Variants in PAGE5 observed in about 807,000 individuals in gnomAD.
The protein encoded by PAGE5 is PAGE family member 5.
Under a neutral mutation model 8.1 loss-of-function variants are expected in PAGE5, and 8 were observed. The ratio of observed to expected loss-of-function variants is 0.98; its 90% CI spans 0.58 to 1.77. PAGE5 has a LOEUF of 1.77. PAGE5 is among the 40% of genes most tolerant of loss of function. The probability of loss-of-function intolerance (pLI) is 0.00; values close to 1 mark genes in which losing one functional copy is unlikely to be tolerated. For synonymous variants in PAGE5, 30 were observed against 27.0 expected, an observed-to-expected ratio of 1.11 and a Z score of -0.35; for missense variants, 64 against 77.6, an observed-to-expected ratio of 0.82 and a Z score of 0.66.
Position 55,220,417 on chromosome X carries a change from C to T in PAGE5, c.-44C>T. ...TTTCCGCCATCTTCGTTCTTTCCAACATCTTCGTTCTTTCTCACTGACCGA... is the reference window on the plus strand; with the variant it reads ...TTTCCGCCATCTTCGTTCTTTCCAATATCTTCGTTCTTTCTCACTGACCGA... On this transcript the variant is annotated 5_prime_UTR_variant, in exon 1 of 5. Transcript: ENST00000374955. 1 of 463,580 alleles carries T rather than the reference C, an allele frequency of 2.2e-6. No individual in the cohort carries two copies. Among genetic ancestry groups the T allele is most frequent in the Non-Finnish European group, 3.9e-6 (1 of 257,765 alleles). 38.2% of individuals were successfully genotyped at this position (463,580 alleles called of 1,213,427 possible).
intron 3 of PAGE5, 81 bp from the exon 4 acceptor site, chrX:55,222,540 A>G (rs1456057791): frequency 2.9e-6 from 3 of 1,039,307 alleles, no homozygotes. Context: ...TTTTTATTTC[A>G]CAATGATGAG....
chrX:55,221,460 G>C lies in PAGE5; in HGVS notation c.78G>C (p.Val26=). The change falls in exon 2 of 5, where the codon GTG becomes GTC. Residue 26 remains valine (V), a synonymous_variant. Coordinates refer to ENST00000374955, the MANE Select transcript of PAGE5 (RefSeq NM_001013435.3). ...AGTCTTCCCAGCCAGTTGGACCTGT[G>C]ATTGTGAGTCCTTTAGCATTTGATG... The part of the protein sequence containing the change: ...DQESSQPVGP[V]IVQQPTEEKR... 8.3e-7 allele frequency: 1 copy of C among 1,201,660 alleles called. No individual in the cohort carries two copies. The highest frequency in any genetic ancestry group is 1.8e-5 in the South Asian group (1 of 55,816).
At chrX:55,220,736 G>C (rs971792884) in intron 1 of PAGE5, 1 of 949,906 alleles carries the variant, frequency 1.1e-6, no homozygotes, top group Non-Finnish European at 1.4e-6. Flanking sequence ...TCCCGAAAAC[G>C]CCTGGAACTC....
chrX:55,220,657 C>T, intron 1 of PAGE5: 3 of 1,197,155 alleles, frequency 2.5e-6, no homozygotes, highest in Non-Finnish European at 3.4e-6. Flanking sequence ...GGAAGGTAGG[C>T]CGTGGAGGGG....
At chrX:55,223,534 A>T (rs1210443864) in intron 4 of PAGE5, among the ~76,000 whole-genome samples, 2 of 112,469 alleles carry the variant, frequency 1.8e-5, no homozygotes, top group Non-Finnish European at 3.8e-5. Flanking sequence ...CACAAGATAC[A>T]CAAAAGTAAT....
intron 2 of PAGE5, 117 bp from the exon 3 acceptor site, chrX:55,221,648 ACT>A (rs1232608244): frequency 6.7e-4 from 514 of 769,985 alleles, no homozygotes; most frequent in Middle Eastern, 1.6e-3. Context: ...TGGATATTTT[ACT>A]CTCTCTCTAT....
intron 3 of PAGE5, among the ~76,000 whole-genome samples, 158 bp downstream of exon 3, chrX:55,222,033 A>T (rs1438781592): frequency 8.9e-6 from 1 of 112,122 alleles, no homozygotes; most frequent in Non-Finnish European, 1.9e-5. Flanking sequence ...AGGACACATA[A>T]AAAGCCACAA....
At chrX:55,221,286 A>T (rs1243153629) in intron 1 of PAGE5, 89 bp from the exon 2 acceptor site, 1 of 863,924 alleles carries the variant, frequency 1.2e-6, no homozygotes, top group African/African-American at 2.1e-5. Flanking sequence ...AAAATTAAAA[A>T]AGTACAAATC....
chrX:55,222,506 C>T (rs1937905554), intron 3 of PAGE5, 115 bp from the exon 4 acceptor site: 6 of 869,529 alleles, frequency 6.9e-6, no homozygotes, highest in Non-Finnish European at 3.3e-6. Flanking sequence ...TGGCAACAGA[C>T]TTCTGAAATA....
chrX:55,221,397 A>G lies in PAGE5; in HGVS notation c.15A>G (p.Val5=), dbSNP rs766485668. 1.7e-6 allele frequency: 2 copies of G among 1,210,948 alleles called. No homozygotes were observed. The highest frequency in any genetic ancestry group is 1.1e-6 in the Non-Finnish European group (1 of 894,748). MSEH[V]TRSQSSERGN... ...CAGTGAGAGATATGAGTGAGCATGTAACAAGATCCCAATCCTCAGAAAGAG... is the reference window on the plus strand; with the variant it reads ...CAGTGAGAGATATGAGTGAGCATGTGACAAGATCCCAATCCTCAGAAAGAG... The change falls in exon 2 of 5, where the codon GTA becomes GTG. Residue 5 remains valine, a synonymous_variant. Transcript: ENST00000374955.
intron 2 of PAGE5, 25 bp from the exon 3 acceptor site, chrX:55,221,742 T>G (rs1937894658): frequency 1.7e-6 from 2 of 1,191,121 alleles, no homozygotes; most frequent in South Asian, 3.7e-5. Flanking sequence ...TGACTTTTTA[T>G]TCGCACACAC....
chrX:55,222,898 A>C, intron 4 of PAGE5, 152 bp downstream of exon 4: 1 of 682,085 alleles, frequency 1.5e-6, no homozygotes, highest in Non-Finnish European at 2.1e-6. Context: ...TGGCTGCCTT[A>C]CACACTATCA....
At chrX:55,223,207 A>C (rs1274868962) in intron 4 of PAGE5, among the ~76,000 whole-genome samples, 1 of 112,609 alleles carries the variant, frequency 8.9e-6, no homozygotes, top group African/African-American at 3.2e-5. Context: ...TTTTAAAAGA[A>C]AGATAAGAAA....
chrX:55,221,381 A>G lies in PAGE5; in HGVS notation c.-2A>G, dbSNP rs770055066. ...AACAATATTTTGTTTTCAGTGAGAG[A>G]TATGAGTGAGCATGTAACAAGATCC... On this transcript the variant is annotated 5_prime_UTR_variant, in exon 2 of 5. Transcript: ENST00000374955. The G allele has an allele frequency of 8.3e-7, 1 of 1,208,658 alleles. No individual in the cohort carries two copies. Among genetic ancestry groups the G allele is most frequent in the African/African-American group, 1.7e-5 (1 of 57,743 alleles).
intron 3 of PAGE5, 121 bp downstream of exon 3, chrX:55,221,996 A>G (rs1937899593): frequency 3.8e-6 from 3 of 793,106 alleles, no homozygotes; most frequent in Non-Finnish European, 5.5e-6. Flanking sequence ...AACATTTCTT[A>G]CTGCTGCTGT....
rs771272490 is a variant in PAGE5, at chrX:55,220,362, G to T, written c.-99G>T. The T allele has an allele frequency of 3.0e-5, 12 of 398,276 alleles. No homozygotes were observed. Among genetic ancestry groups the T allele is most frequent in the Admixed American group, 1.2e-4 (3 of 25,547 alleles). The allele number at this position is 398,276 out of a possible 1,213,427, so 32.8% of individuals were successfully genotyped here. A position where few individuals can be genotyped will look rare whatever the true frequency, so the allele number is the denominator to read the frequency against. On this transcript the variant is annotated 5_prime_UTR_variant, in exon 1 of 5. Coordinates refer to ENST00000374955, the MANE Select transcript of PAGE5 (RefSeq NM_001013435.3). ...TCTGCCCACCTTCTGTCTAGGCAGAGCTCTGCAAGGAGAGGTTGTGTCTTC... is the reference window on the plus strand; with the variant it reads ...TCTGCCCACCTTCTGTCTAGGCAGATCTCTGCAAGGAGAGGTTGTGTCTTC...
chrX:55,220,640 C>G (rs201638083), intron 1 of PAGE5, 188 bp downstream of exon 1: 3 of 1,199,196 alleles, frequency 2.5e-6, no homozygotes, highest in Non-Finnish European at 3.4e-6. Context: ...TGGGCTGGAA[C>G]GAGGGAGGAA....
intron 3 of PAGE5, among the ~76,000 whole-genome samples, chrX:55,222,184 C>T (rs1376777656): frequency 8.9e-6 from 1 of 112,039 alleles, no homozygotes; most frequent in East Asian, 2.8e-4. Flanking sequence ...TTGTTTTATG[C>T]TTCTGTGGAA....
At position 55,220,795 on chromosome X, in the gene PAGE5, A is replaced by G. The variant is rs777899767; in HGVS notation, c.-9+343A>G. 129 of 624,235 alleles carry G rather than the reference A, an allele frequency of 2.1e-4. 1 individual carries two copies. The African/African-American group carries it at 2.5e-3, about 12-fold the overall frequency. The allele number at this position is 624,235 out of a possible 1,213,427, so 51.4% of individuals were successfully genotyped here. Reference sequence around the variant, plus strand: ...CTCTTCGTTAGGGATGCGAGAAGGGATGGTGTGGGTGGTAAGGAAGGGGCC... The same window carrying G: ...CTCTTCGTTAGGGATGCGAGAAGGGGTGGTGTGGGTGGTAAGGAAGGGGCC... On this transcript the variant is annotated intron_variant, in intron 1 of 4. Transcript: ENST00000374955.
Sources: gnomAD v4.1 joint callset for allele counts (sites outside exome capture counted in the v4.1 genomes callset) on GRCh38, gnomAD v4.1.1 for gene constraint, MANE v1.5 for transcripts, NCBI Gene and HGNC (gene_info 2026-07-23, HGNC 2026-07-21) for gene names.